SH3PXD2B: variants seen among roughly 807,000 people sequenced by gnomAD.
The protein encoded by SH3PXD2B is SH3 and PX domains 2B, also known as SH3 and PX domain-containing protein 2B.
In SH3PXD2B, 37 loss-of-function variants were observed where a neutral mutation model predicts 73.1. That is an observed-to-expected ratio of 0.51 (90% CI 0.39 to 0.67). SH3PXD2B has a LOEUF of 0.67. SH3PXD2B is among the 30% of genes least tolerant of loss of function. The pLI is 0.00. For missense variants in SH3PXD2B, 1,053 were observed against 1,197.8 expected, an observed-to-expected ratio of 0.88 and a Z score of 1.78; for synonymous variants, 457 against 480.5, an observed-to-expected ratio of 0.95 and a Z score of 0.64.
At chr5:172,381,976 T>C (rs2113372574) in intron 5 of SH3PXD2B, 60 bp downstream of exon 5, 1 of 1,381,868 alleles carries the variant, frequency 7.2e-7, no homozygotes, top group Non-Finnish European at 1.0e-6. Flanking sequence ...TGGGGGTGGC[T>C]GGACTGGCAG....
In SH3PXD2B at chr5:172,439,688, GCGCGCACACACACACA is replaced by G. The variant is rs1759502638; in HGVS notation, c.75+14574_75+14589del. ...TGTGTGTGCGTGCGTGCGCGCACGC[GCGCGCACACACACACA>G]CACACACACACACACACACACACAC... On this transcript the variant is annotated intron_variant, in intron 1 of 12. Transcript: ENST00000311601. Among the ~76,000 whole-genome samples, 9 of 104,238 alleles carry G rather than the reference GCGCGCACACACACACA, an allele frequency of 8.6e-5. No homozygotes were observed. The South Asian group carries it at 1.8e-3, about 21-fold the overall frequency. 68.4% of individuals were successfully genotyped at this position (104,238 alleles called of 152,430 possible).
intron 10 of SH3PXD2B, among the ~76,000 whole-genome samples, chr5:172,349,582 G>A (rs1561897445): frequency 1.3e-5 from 2 of 152,172 alleles, no homozygotes; most frequent in Admixed American, 6.5e-5. Context: ...AGGCCACATG[G>A]AGCAATAGAG....
chr5:172,334,314 G>T lies in SH3PXD2B; in HGVS notation c.*4055C>A, dbSNP rs545453456. ...CGGTTCCAGCTCTGCAGCTCTGCCTGGGACCCTCGTGGAAACTTACTCTAG... is the reference window on the plus strand; with the variant it reads ...CGGTTCCAGCTCTGCAGCTCTGCCTTGGACCCTCGTGGAAACTTACTCTAG... On this transcript the variant is annotated 3_prime_UTR_variant, in exon 13 of 13. Coordinates refer to ENST00000311601, the MANE Select transcript of SH3PXD2B (RefSeq NM_001017995.3). 6.0e-6 allele frequency: 6 copies of T among 996,670 alleles called. No homozygotes were observed. The East Asian group carries it at 6.8e-4, about 112-fold the overall frequency. The allele number at this position is 996,670 out of a possible 1,614,324, so 61.7% of individuals were successfully genotyped here.
intron 3 of SH3PXD2B, 21 bp from the exon 4 acceptor site, chr5:172,394,660 G>T: frequency 6.2e-7 from 1 of 1,613,210 alleles, no homozygotes; most frequent in Non-Finnish European, 8.5e-7. Flanking sequence ...TGAGAGCAAA[G>T]ACAGTGTTGT....
rs1468522253 is a variant in SH3PXD2B at position 172,353,272 on chromosome 5, C to T, written c.785+616G>A. Among the ~76,000 whole-genome samples the T allele has an allele frequency of 6.6e-6, 1 of 152,212 alleles. No homozygotes were observed. The highest frequency in any genetic ancestry group is 1.9e-4 in the East Asian group (1 of 5,198). On this transcript the variant is annotated intron_variant, in intron 9 of 12. Coordinates refer to ENST00000311601, the MANE Select transcript of SH3PXD2B (RefSeq NM_001017995.3). This position sits in a 1 kb window ranked among gnomAD's most constrained non-coding sequence, Gnocchi z 4.3. ...AGGGACCTCGGCTTCCTCTCTTGCC[C>T]TAATTTCCCATGGTCACATCCTGCC...
At position 172,336,281 on chromosome 5, in the gene SH3PXD2B, A is replaced by T; in HGVS notation, c.*2088T>A. ...TTGTTTAAACCAAAGTGGATCAAGA[A>T]CTCAGGAAAACTGCCATGGGGCCTC... On this transcript the variant is annotated 3_prime_UTR_variant, in exon 13 of 13. Transcript: ENST00000311601. The T allele has an allele frequency of 2.0e-6, 2 of 985,514 alleles. No homozygotes were observed. The highest frequency in any genetic ancestry group is 2.4e-6 in the Non-Finnish European group (2 of 829,946). 61.0% of individuals were successfully genotyped at this position (985,514 alleles called of 1,614,324 possible).
intron 3 of SH3PXD2B, among the ~76,000 whole-genome samples, chr5:172,401,763 C>T (rs750300825): frequency 1.3e-5 from 2 of 152,174 alleles, no homozygotes; most frequent in African/African-American, 4.8e-5. Flanking sequence ...ACATACAGAA[C>T]AACAAATGTC....
chr5:172,330,337 T>C (rs1756531462), downstream of SH3PXD2B, among the ~76,000 whole-genome samples: 1 of 151,968 alleles, frequency 6.6e-6, no homozygotes, highest in Non-Finnish European at 1.5e-5. Flanking sequence ...CAAACAGAAT[T>C]TGGGTGAAGG....
intron 3 of SH3PXD2B, among the ~76,000 whole-genome samples, chr5:172,402,592 T>C (rs978554481): frequency 1.4e-4 from 22 of 152,216 alleles, no homozygotes; most frequent in African/African-American, 4.6e-4. Context: ...TTCTGTACTC[T>C]TTCCCTTTAT....
chr5:172,428,616 T>C (rs1759160267), intron 1 of SH3PXD2B, among the ~76,000 whole-genome samples: 1 of 152,162 alleles, frequency 6.6e-6, no homozygotes, highest in Admixed American at 6.5e-5. Flanking sequence ...GAAAAATGTG[T>C]AACTCTACAA....
At chr5:172,453,818 G>A (rs895411445) in intron 1 of SH3PXD2B, among the ~76,000 whole-genome samples, 4 of 152,186 alleles carry the variant, frequency 2.6e-5, no homozygotes, top group Admixed American at 1.3e-4. Flanking sequence ...CAAATTCGGC[G>A]AACCCTAGAG....
intron 1 of SH3PXD2B, 88 bp from the exon 2 acceptor site, chr5:172,422,584 CAG>C: frequency 7.8e-7 from 1 of 1,283,096 alleles, no homozygotes; most frequent in Non-Finnish European, 1.1e-6. Context: ...GACTCAGAGT[CAG>C]AAAGACGTGG....
chr5:172,326,359 A>C (rs760463205), intron 12 of SH3PXD2B, among the ~76,000 whole-genome samples: 1 of 152,234 alleles, frequency 6.6e-6, no homozygotes, highest in Non-Finnish European at 1.5e-5. Flanking sequence ...TTACATGTAA[A>C]AGAGGATTCT....
At chr5:172,431,626 A>G (rs1407676374) in intron 1 of SH3PXD2B, among the ~76,000 whole-genome samples, 1 of 152,206 alleles carries the variant, frequency 6.6e-6, no homozygotes, top group Non-Finnish European at 1.5e-5. Flanking sequence ...ATCTCAAAAA[A>G]ATTCTGTAAT....
At chr5:172,360,559 C>T (rs115536240) in intron 7 of SH3PXD2B, among the ~76,000 whole-genome samples, 2,190 of 152,314 alleles carry the variant, frequency 0.014, 16 homozygotes, top group South Asian at 0.024. Context: ...TGGCTAGGTA[C>T]AGTGGCTCAC....
chr5:172,439,503 G>A (rs1399641159), intron 1 of SH3PXD2B, among the ~76,000 whole-genome samples: 2 of 152,036 alleles, frequency 1.3e-5, no homozygotes. Context: ...ACACCATCTG[G>A]TCACAGACAG....
rs1171032782 is a variant in SH3PXD2B, at chr5:172,353,805, T to G, written c.785+83A>C. On this transcript the variant is annotated intron_variant, in intron 9 of 12. Transcript: ENST00000311601. This position sits in a 1 kb window ranked among gnomAD's most constrained non-coding sequence, Gnocchi z 4.3. ...AGATGCAATCACTTACCGACCTCTG[T>G]GAGGCCAGAGTCCCTGTGACCCCAA... 3.8e-6 allele frequency: 4 copies of G among 1,054,438 alleles called. No homozygotes were observed. The highest frequency in any genetic ancestry group is 1.3e-5 in the South Asian group (1 of 79,636). The allele number at this position is 1,054,438 out of a possible 1,614,324, so 65.3% of individuals were successfully genotyped here. A position where few individuals can be genotyped will look rare whatever the true frequency, so the allele number is the denominator to read the frequency against.
At chr5:172,441,540 G>T (rs1156426900) in intron 1 of SH3PXD2B, among the ~76,000 whole-genome samples, 1 of 152,172 alleles carries the variant, frequency 6.6e-6, no homozygotes, top group Non-Finnish European at 1.5e-5. Context: ...AAGACAAAAT[G>T]GGGGGTTCAC....
In SH3PXD2B at chr5:172,362,754, G is replaced by T; in HGVS notation, c.543C>A (p.Ile181=). The T allele has an allele frequency of 6.2e-7, 1 of 1,614,120 alleles. No homozygotes were observed. The highest frequency in any genetic ancestry group is 8.5e-7 in the Non-Finnish European group (1 of 1,180,012). Residue 181 remains isoleucine, a synonymous_variant, in exon 7 of 13, where the codon ATC becomes ATA. Transcript: ENST00000311601. ...CCCCACCTGACTCATTCTTCTCGAT[G>T]ATGTCCACCACCTGCCCCACGCTGA... ...ISLSVGQVVD[I]IEKNESGWWF...
Sources: allele counts gnomAD v4.1 joint callset (sites outside exome capture counted in the v4.1 genomes callset), GRCh38; gene constraint gnomAD v4.1.1; non-coding constraint Gnocchi (gnomAD v3.1); transcripts MANE v1.5; gene names NCBI Gene and HGNC (gene_info 2026-07-23, HGNC 2026-07-21).